The following RXFP1 variants were observed in gnomAD, a reference collection of about 807,000 sequenced individuals.
RXFP1 encodes the protein relaxin receptor 1.
RXFP1 carries 73 observed loss-of-function variants against 89.8 expected under a neutral mutation model. The ratio of observed to expected loss-of-function variants is 0.81; its 90% CI spans 0.67 to 0.99. The LOEUF is 0.99. Among genes scored for constraint, RXFP1 ranks in the 50% least tolerant of loss-of-function variants. The pLI is 0.00. For synonymous variants in RXFP1, 277 were observed against 305.5 expected, an observed-to-expected ratio of 0.91 and a Z score of 0.97; for missense variants, 793 against 895.5, an observed-to-expected ratio of 0.89 and a Z score of 1.46.
intron 4 of RXFP1, among the ~76,000 whole-genome samples, chr4:158,601,961 A>C (rs1761763940): frequency 6.6e-6 from 1 of 152,218 alleles, no homozygotes. Context: ...ATGATCTAAT[A>C]CTAAGAACTT....
At chr4:158,608,980 G>C (rs944676664) in intron 6 of RXFP1, among the ~76,000 whole-genome samples, 1 of 152,084 alleles carries the variant, frequency 6.6e-6, no homozygotes. Context: ...CCTTTTTTAG[G>C]GCTGAATAAT....
At chr4:158,584,575 C>T (rs1757946925) in intron 2 of RXFP1, among the ~76,000 whole-genome samples, 1 of 152,144 alleles carries the variant, frequency 6.6e-6, no homozygotes, top group Non-Finnish European at 1.5e-5. Flanking sequence ...TACCATTTAA[C>T]ATGACATCAT....
At chr4:158,629,555 A>C (rs145902261) in intron 11 of RXFP1, among the ~76,000 whole-genome samples, 85 of 152,324 alleles carry the variant, frequency 5.6e-4, no homozygotes, top group Non-Finnish European at 1.1e-3. Flanking sequence ...ATAGATGTAG[A>C]ACAATGGATG....
intron 2 of RXFP1, among the ~76,000 whole-genome samples, chr4:158,587,301 G>A (rs1219264485): frequency 1.3e-5 from 2 of 152,146 alleles, no homozygotes; most frequent in Non-Finnish European, 2.9e-5. Flanking sequence ...CTACTTACAT[G>A]CTTTATTTGT....
chr4:158,524,331 G>A (rs866180521), intron 1 of RXFP1, among the ~76,000 whole-genome samples: 13 of 152,154 alleles, frequency 8.5e-5, no homozygotes, highest in African/African-American at 2.9e-4. Context: ...CGTTACAGAC[G>A]TAAGCAACTA....
At chr4:158,531,038 G>A (rs1743914854) in intron 1 of RXFP1, among the ~76,000 whole-genome samples, 1 of 152,046 alleles carries the variant, frequency 6.6e-6, no homozygotes, top group Admixed American at 6.6e-5. Flanking sequence ...TCCCCTAGAG[G>A]CTTTGAGTCT....
rs1553989424 is a variant in RXFP1 at position 158,527,564 on chromosome 4, A to AATATATATATATATATAT, written c.49+5553_49+5554insATATATATATATATATAT. ...ATCTCCCCCGCTCCAAAAAAAAAAA[A>AATATATATATATATATAT]ATATATATATATATGTATATATATA... On this transcript the variant is annotated intron_variant, in intron 1 of 17. Coordinates refer to ENST00000307765, the MANE Select transcript of RXFP1 (RefSeq NM_021634.4). Among the ~76,000 whole-genome samples the AATATATATATATATATAT allele has an allele frequency of 4.5e-3, 445 of 98,250 alleles. 5 individuals carry two copies. Among genetic ancestry groups the AATATATATATATATATAT allele is most frequent in the African/African-American group, 0.012 (330 of 28,476 alleles). The allele number at this position is 98,250 out of a possible 152,430, so 64.5% of individuals were successfully genotyped here. A position where few individuals can be genotyped will look rare whatever the true frequency, so the allele number is the denominator to read the frequency against.
intron 1 of RXFP1, among the ~76,000 whole-genome samples, chr4:158,566,577 C>T (rs1753605078): frequency 1.3e-5 from 2 of 152,172 alleles, no homozygotes; most frequent in Non-Finnish European, 2.9e-5. Flanking sequence ...GTTGGCCAGG[C>T]TGGTCTCCAA....
At chr4:158,572,857 A>C (rs1237023224) in intron 2 of RXFP1, 22 bp downstream of exon 2, 8 of 1,612,876 alleles carry the variant, frequency 5.0e-6, no homozygotes, top group Non-Finnish European at 6.8e-6. Context: ...CCCTGCAGTC[A>C]CGGTGAGAGA....
chr4:158,647,318 A>G, intron 16 of RXFP1, 117 bp downstream of exon 16: 1 of 790,000 alleles, frequency 1.3e-6, no homozygotes, highest in South Asian at 2.0e-5. Flanking sequence ...TTTCCTCCCC[A>G]AATTATACTC....
chr4:158,608,151 A>C (rs1762858427), intron 6 of RXFP1, 108 bp downstream of exon 6: 1 of 701,572 alleles, frequency 1.4e-6, no homozygotes, highest in Admixed American at 2.7e-5. Context: ...GGAGCCATGC[A>C]AGTGATGCTG....
chr4:158,583,491 T>C (rs1344121296), intron 2 of RXFP1, among the ~76,000 whole-genome samples: 1 of 152,192 alleles, frequency 6.6e-6, no homozygotes, highest in African/African-American at 2.4e-5. Context: ...CATAAACATA[T>C]AGACTGACCA....
chr4:158,624,630 C>T (rs1337375487), intron 9 of RXFP1, among the ~76,000 whole-genome samples: 1 of 152,058 alleles, frequency 6.6e-6, no homozygotes, highest in Non-Finnish European at 1.5e-5. Flanking sequence ...AAGCTTGCAG[C>T]TAGGGAGCAA....
chr4:158,626,149 T>TAGAC (rs2150182308), intron 9 of RXFP1, among the ~76,000 whole-genome samples: 1 of 121,616 alleles, frequency 8.2e-6, no homozygotes, highest in South Asian at 2.5e-4. Flanking sequence ...GATAGATAGA[T>TAGAC]AGATAGATAG....
At chr4:158,646,385 G>T in intron 15 of RXFP1, 1 of 748,206 alleles carries the variant, frequency 1.3e-6, no homozygotes, top group African/African-American at 1.8e-5. Context: ...TGAGCTTGTT[G>T]CGTTGGGAGA....
chr4:158,535,453 A>G (rs551337941), intron 1 of RXFP1, among the ~76,000 whole-genome samples: 18 of 152,240 alleles, frequency 1.2e-4, no homozygotes, highest in Non-Finnish European at 2.5e-4. Context: ...CACTTGAGTC[A>G]CTGGAAAGAT....
At chr4:158,569,447 G>T (rs532743988) in intron 1 of RXFP1, among the ~76,000 whole-genome samples, 11 of 152,212 alleles carry the variant, frequency 7.2e-5, no homozygotes, top group Non-Finnish European at 1.5e-4. Flanking sequence ...TGATGTGTCA[G>T]TGTAGGTTCA....
At chr4:158,644,554 T>A (rs1158676648) in intron 14 of RXFP1, among the ~76,000 whole-genome samples, 3 of 152,142 alleles carry the variant, frequency 2.0e-5, no homozygotes, top group African/African-American at 7.2e-5. Context: ...TGCAGCACAA[T>A]AGGAGCTGTG....
intron 1 of RXFP1, among the ~76,000 whole-genome samples, chr4:158,562,334 C>G (rs1174111621): frequency 6.6e-6 from 1 of 151,176 alleles, no homozygotes; most frequent in Non-Finnish European, 1.5e-5. Context: ...ACCATCCCGG[C>G]TAAAACGGTG....
Sources: allele counts gnomAD v4.1 joint callset (sites outside exome capture counted in the v4.1 genomes callset), GRCh38; gene constraint gnomAD v4.1.1; transcripts MANE v1.5; gene names NCBI Gene and HGNC (gene_info 2026-07-23, HGNC 2026-07-21).